Variants in RNF41 observed in about 807,000 individuals in gnomAD.
RNF41 encodes the protein E3 ubiquitin-protein ligase NRDP1.
Under a neutral mutation model 33.0 loss-of-function variants are expected in RNF41, and 4 were observed. That is an observed-to-expected ratio of 0.12 (90% CI 0.06 to 0.28). RNF41 has a LOEUF of 0.28. Among genes scored for constraint, RNF41 ranks in the 10% least tolerant of loss-of-function variants. The pLI is 1.00. For synonymous variants in RNF41, 164 were observed against 153.2 expected, an observed-to-expected ratio of 1.07 and a Z score of -0.52; for missense variants, 228 against 432.6, an observed-to-expected ratio of 0.53 and a Z score of 4.19.
intron 3 of RNF41, chr12:56,213,265 A>G (rs981230057): frequency 2.6e-5 from 14 of 533,492 alleles, no homozygotes; most frequent in Non-Finnish European, 4.1e-5. Context: ...CAGTGGCACA[A>G]TCTCGGCTCA....
intron 3 of RNF41, among the ~76,000 whole-genome samples, chr12:56,211,840 C>T (rs1379135286): frequency 6.6e-6 from 1 of 152,022 alleles, no homozygotes; most frequent in Non-Finnish European, 1.5e-5. Flanking sequence ...GGCGTGGTGG[C>T]GGGTGCCTGT....
At chr12:56,215,717 CAAAAAAAAAAAAA>C (rs58103466) in intron 2 of RNF41, among the ~76,000 whole-genome samples, 2 of 74,526 alleles carry the variant, frequency 2.7e-5, no homozygotes, top group South Asian at 4.8e-4. Context: ...GACTCTGTCT[CAAAAAAAAAAAAA>C]AAAAAAAAGA....
chr12:56,206,629 C>G lies in RNF41; in HGVS notation c.772G>C (p.Gly258Arg), dbSNP rs1868269759. The G allele has an allele frequency of 6.2e-7, 1 of 1,613,962 alleles. No individual in the cohort carries two copies. The highest frequency in any genetic ancestry group is 1.3e-5 in the African/African-American group (1 of 74,882). The change falls in exon 7 of 7, where the codon GGT (glycine) becomes CGT (arginine). Residue 258 changes from glycine to arginine, a missense_variant. Gly to Arg is a moderately radical substitution (Grantham distance 125, BLOSUM62 -2). Around this residue, in one of 2 missense-constraint regions of RNF41, gnomAD observed 199 missense variants for 334.6 expected, o/e 0.59. Coordinates refer to ENST00000345093, the MANE Select transcript of RNF41 (RefSeq NM_005785.4). This position sits in a 1 kb window ranked among gnomAD's most constrained non-coding sequence, Gnocchi z 5.7. ...TGTCTAGTCTCTAGTGTGGCCAGAC[C>G]CTGGGGCCAGCTACGCTCGTGGGCA... ...ENAHERSWPQ[G>R]LATLETRQMN...
chr12:56,208,072 G>T, intron 5 of RNF41, 91 bp downstream of exon 5: 1 of 1,470,166 alleles, frequency 6.8e-7, no homozygotes, highest in Non-Finnish European at 9.4e-7. Flanking sequence ...GTAAGCACTG[G>T]TCTGTGTGTT....
At chr12:56,216,937 A>G (rs536995020) in intron 1 of RNF41, among the ~76,000 whole-genome samples, 63 of 150,692 alleles carry the variant, frequency 4.2e-4, no homozygotes, top group African/African-American at 8.8e-4. Flanking sequence ...TCAGGAGATC[A>G]AGACCGTCCT....
rs1199796892 is a variant in RNF41 at position 56,205,179 on chromosome 12, T to G, written c.*1268A>C. The G allele has an allele frequency of 1.3e-5, 2 of 152,208 alleles. No homozygotes were observed. Among genetic ancestry groups the G allele is most frequent in the African/African-American group, 4.8e-5 (2 of 41,452 alleles). The allele number at this position is 152,208 out of a possible 1,614,324, so 9.4% of individuals were successfully genotyped here. A position where few individuals can be genotyped will look rare whatever the true frequency, so the allele number is the denominator to read the frequency against. On this transcript the variant is annotated 3_prime_UTR_variant, in exon 7 of 7. Transcript: ENST00000345093. ...ATACTCTAAATCCAGAGTTTTATGA[T>G]AAGGCCCTGGAAGGGCTAGGAGGAA...
At chr12:56,211,050 T>TGGC (rs992969605) in intron 3 of RNF41, among the ~76,000 whole-genome samples, 11 of 152,080 alleles carry the variant, frequency 7.2e-5, no homozygotes, top group Non-Finnish European at 1.0e-4. Context: ...CCAGGGGTGG[T>TGGC]GGCGCATGCC....
intron 4 of RNF41, among the ~76,000 whole-genome samples, chr12:56,209,756 C>A (rs1187109028): frequency 6.6e-6 from 1 of 152,124 alleles, no homozygotes; most frequent in African/African-American, 2.4e-5. Flanking sequence ...CGCGCCCGGC[C>A]CCACACCTGG....
intron 1 of RNF41, among the ~76,000 whole-genome samples, chr12:56,220,339 C>T (rs1037315787): frequency 2.7e-5 from 4 of 150,244 alleles, no homozygotes; most frequent in Non-Finnish European, 5.9e-5. Flanking sequence ...CTCAGCTTCC[C>T]AAGTAGCTGG....
At chr12:56,214,209 G>A (rs1197807844) in intron 2 of RNF41, 139 bp from the exon 3 acceptor site, 5 of 610,412 alleles carry the variant, frequency 8.2e-6, no homozygotes, top group South Asian at 1.9e-5. Context: ...CATTTGGCTC[G>A]GTGGAAGCTG....
intron 1 of RNF41, among the ~76,000 whole-genome samples, chr12:56,218,917 T>C (rs1485655613): frequency 6.6e-6 from 1 of 150,918 alleles, no homozygotes; most frequent in Admixed American, 6.6e-5. Flanking sequence ...TTGGCCAGGA[T>C]GGTCTCAATC....
At chr12:56,208,085 C>T (rs1425892783) in intron 5 of RNF41, 78 bp downstream of exon 5, 7 of 1,557,120 alleles carry the variant, frequency 4.5e-6, no homozygotes, top group Non-Finnish European at 6.2e-6. Flanking sequence ...TGTGTGTTCA[C>T]AACTGGTTTT....
At chr12:56,210,931 A>C (rs1868429201) in intron 3 of RNF41, among the ~76,000 whole-genome samples, 1 of 152,234 alleles carries the variant, frequency 6.6e-6, no homozygotes, top group Non-Finnish European at 1.5e-5. Flanking sequence ...TCACGCCTGT[A>C]ATCTCAGCAC....
At chr12:56,215,080 G>A (rs1035285396) in intron 2 of RNF41, among the ~76,000 whole-genome samples, 1 of 152,116 alleles carries the variant, frequency 6.6e-6, no homozygotes, top group East Asian at 1.9e-4. Context: ...AGGGTGTTAT[G>A]CACATAAAAT....
intron 4 of RNF41, 57 bp downstream of exon 4, chr12:56,210,240 C>G (rs995354345): frequency 6.3e-7 from 1 of 1,578,132 alleles, no homozygotes; most frequent in African/African-American, 1.3e-5. Flanking sequence ...CAGCCAGAGA[C>G]AGGGGCATAA....
At chr12:56,208,770 T>C (rs1868328366) in intron 4 of RNF41, among the ~76,000 whole-genome samples, 2 of 151,934 alleles carry the variant, frequency 1.3e-5, no homozygotes, top group African/African-American at 4.8e-5. Flanking sequence ...TTCTCCATGT[T>C]AGCCAGGCTG....
chr12:56,209,579 T>C (rs1036650226), intron 4 of RNF41, among the ~76,000 whole-genome samples: 9 of 151,928 alleles, frequency 5.9e-5, no homozygotes, highest in African/African-American at 1.9e-4. Flanking sequence ...TGCCTCAGCC[T>C]CCCAAGTAGC....
At chr12:56,209,657 A>G (rs7971289) in intron 4 of RNF41, among the ~76,000 whole-genome samples, 2,871 of 151,938 alleles carry the variant, frequency 0.019, 86 homozygotes, top group African/African-American at 0.064. Context: ...CGGGGTTTCA[A>G]TGTGTTAGCC....
At chr12:56,220,128 G>A (rs914015465) in intron 1 of RNF41, among the ~76,000 whole-genome samples, 1 of 152,114 alleles carries the variant, frequency 6.6e-6, no homozygotes. Flanking sequence ...AAATAAGGCT[G>A]GGTGCAGTGG....
Sources: allele counts gnomAD v4.1 joint callset (sites outside exome capture counted in the v4.1 genomes callset), GRCh38; gene constraint gnomAD v4.1.1; regional missense constraint gnomAD v4.1.1; non-coding constraint Gnocchi (gnomAD v3.1); transcripts MANE v1.5; gene names NCBI Gene and HGNC (gene_info 2026-07-23, HGNC 2026-07-21).